PHIP: variants seen among roughly 807,000 people sequenced by gnomAD.
PHIP encodes the protein PH-interacting protein.
A neutral mutation model predicts 236.8 loss-of-function variants in PHIP; 54 were observed. The ratio of observed to expected loss-of-function variants is 0.23; its 90% confidence interval spans 0.18 to 0.29. The LOEUF (loss-of-function observed/expected upper bound fraction) is 0.29. PHIP is among the 10% of genes least tolerant of loss of function. PHIP has a pLI of 1.00. For missense variants in PHIP, 1,370 were observed against 2,190.8 expected (o/e 0.63, Z 7.48); for synonymous variants, 756 against 718.9 (o/e 1.05, Z -0.83).
chr6:79,036,131 A>G (rs1284532600), intron 7 of PHIP, among the ~76,000 whole-genome samples: 3 of 152,182 alleles, frequency 2.0e-5, no homozygotes, highest in Non-Finnish European at 4.4e-5. Context: ...TCTCTATTCA[A>G]TACTCTTCTA....
intron 17 of PHIP, 38 bp downstream of exon 17, chr6:79,001,858 GGAA>G (rs766288522): frequency 1.1e-5 from 15 of 1,324,066 alleles, no homozygotes; most frequent in Non-Finnish European, 1.5e-5. Flanking sequence ...CAGTTCGGTG[GGAA>G]GAAGAAAATT....
At chr6:78,983,657 G>C (rs559847792) in intron 22 of PHIP, among the ~76,000 whole-genome samples, 1 of 152,216 alleles carries the variant, frequency 6.6e-6, no homozygotes, top group South Asian at 2.1e-4. Flanking sequence ...CTACCCAGGG[G>C]AAAGACTGTG....
At chr6:79,058,402 C>T (rs1020304086) in intron 6 of PHIP, among the ~76,000 whole-genome samples, 2 of 152,074 alleles carry the variant, frequency 1.3e-5, no homozygotes, top group South Asian at 2.1e-4. Context: ...CCATCAACGA[C>T]GTGGCCTAAA....
chr6:79,074,835 A>C (rs891795683), intron 4 of PHIP, among the ~76,000 whole-genome samples: 25 of 152,140 alleles, frequency 1.6e-4, no homozygotes, highest in Non-Finnish European at 2.4e-4. Context: ...TAGACTAACT[A>C]CAGATGATCA....
intron 15 of PHIP, among the ~76,000 whole-genome samples, chr6:79,014,693 A>C (rs897286819): frequency 4.6e-5 from 7 of 151,832 alleles, no homozygotes; most frequent in South Asian, 4.1e-4. Flanking sequence ...AAATCAGTGT[A>C]CTTGAGTAAA....
intron 10 of PHIP, among the ~76,000 whole-genome samples, chr6:79,018,077 G>C (rs1198492344): frequency 6.6e-6 from 1 of 151,818 alleles, no homozygotes; most frequent in Non-Finnish European, 1.5e-5. Context: ...TTGCATTACA[G>C]TTATTTGTAT....
chr6:79,036,538 A>G (rs996680713), intron 7 of PHIP, among the ~76,000 whole-genome samples: 4 of 152,182 alleles, frequency 2.6e-5, no homozygotes, highest in Non-Finnish European at 5.9e-5. Context: ...TGTTTCCCAT[A>G]TCTCCATTAC....
In PHIP at chr6:78,943,962, G is replaced by A. The variant is rs186264764; in HGVS notation, c.4828+1338C>T. 2.4e-3 allele frequency among the ~76,000 whole-genome samples: 345 copies of A among 144,870 alleles called. 1 individual carries two copies. Among genetic ancestry groups the A allele is most frequent in the African/African-American group, 8.5e-3 (327 of 38,564 alleles). ...AATCAGGCCATTGCACTTCAGCCTC[G>A]GTGACAGAGCAAGATCCTGTCTTTT... On this transcript the variant is annotated intron_variant, in intron 39 of 39. Coordinates refer to ENST00000275034, the MANE Select transcript of PHIP (RefSeq NM_017934.7).
intron 6 of PHIP, among the ~76,000 whole-genome samples, chr6:79,058,770 T>G (rs567652618): frequency 1.8e-4 from 28 of 152,236 alleles, no homozygotes; most frequent in African/African-American, 6.7e-4. Context: ...TCAATCATTC[T>G]TACACTTTCA....
rs1486252103 is a variant in PHIP at position 78,963,970 on chromosome 6, C to T, written c.3380-718G>A. Among the ~76,000 whole-genome samples, 9 of 152,242 alleles carry T rather than the reference C, an allele frequency of 5.9e-5. No individual in the cohort carries two copies. The East Asian group carries it at 1.7e-3, about 29-fold the overall frequency. On this transcript the variant is annotated intron_variant, in intron 29 of 39. Coordinates refer to ENST00000275034, the MANE Select transcript of PHIP (RefSeq NM_017934.7). ...ATCCAAATAGAACAACAACAGTAAC[C>T]ACCCTTCAATATATTTAGGTAGGAA...
chr6:78,975,117 A>G (rs1485879855), intron 24 of PHIP, among the ~76,000 whole-genome samples: 3 of 151,870 alleles, frequency 2.0e-5, no homozygotes, highest in Admixed American at 2.0e-4. Flanking sequence ...TGATGCAAAA[A>G]TCCTCAATAA....
chr6:79,033,308 C>G (rs1346168247), intron 7 of PHIP, among the ~76,000 whole-genome samples: 1 of 152,150 alleles, frequency 6.6e-6, no homozygotes, highest in African/African-American at 2.4e-5. Context: ...AGCTTTGAAG[C>G]CAGGCATTGA....
At chr6:79,036,498 A>G (rs1437422809) in intron 7 of PHIP, among the ~76,000 whole-genome samples, 3 of 152,184 alleles carry the variant, frequency 2.0e-5, no homozygotes, top group African/African-American at 7.2e-5. Context: ...TTGAATTTCA[A>G]ACGTACAAAA....
chr6:79,049,210 G>T lies in PHIP; in HGVS notation c.440-6207C>A, dbSNP rs1582284025. Among the ~76,000 whole-genome samples the T allele has an allele frequency of 5.9e-5, 9 of 151,808 alleles. No homozygotes were observed. The South Asian group carries it at 1.9e-3, about 32-fold the overall frequency. ...CCTGAGTAGCTGGGATTACAGGTGT[G>T]CACCACCATGCCTAATTTTTCTTGT... On this transcript the variant is annotated intron_variant, in intron 6 of 39. Coordinates refer to ENST00000275034, the MANE Select transcript of PHIP (RefSeq NM_017934.7).
At chr6:79,018,934 T>C (rs1451115342) in intron 10 of PHIP, among the ~76,000 whole-genome samples, 155 bp downstream of exon 10, 3 of 152,026 alleles carry the variant, frequency 2.0e-5, no homozygotes, top group African/African-American at 7.2e-5. Flanking sequence ...TCTAAGTTAG[T>C]TTATAATAAT....
chr6:79,035,168 A>G (rs1771867997), intron 7 of PHIP, among the ~76,000 whole-genome samples: 1 of 152,032 alleles, frequency 6.6e-6, no homozygotes, highest in Admixed American at 6.6e-5. Flanking sequence ...CTTCCACCAA[A>G]CACCTACTAA....
At chr6:79,033,061 T>TC in intron 7 of PHIP, among the ~76,000 whole-genome samples, 1 of 152,074 alleles carries the variant, frequency 6.6e-6, no homozygotes, top group South Asian at 2.1e-4. Context: ...TTGAAAGGAA[T>TC]CTTTTTTTTT....
intron 24 of PHIP, among the ~76,000 whole-genome samples, chr6:78,974,271 T>G (rs544041635): frequency 6.6e-6 from 1 of 152,148 alleles, no homozygotes; most frequent in African/African-American, 2.4e-5. Context: ...TGCTCCTGAA[T>G]GACTACTGGG....
intron 7 of PHIP, among the ~76,000 whole-genome samples, chr6:79,041,736 G>A (rs924030639): frequency 6.6e-6 from 1 of 151,954 alleles, no homozygotes; most frequent in Admixed American, 6.6e-5. Context: ...TTTCCACTCT[G>A]AAAATAATAC....
Sources: gnomAD v4.1 joint callset for allele counts (sites outside exome capture counted in the v4.1 genomes callset) on GRCh38, gnomAD v4.1.1 for gene constraint, MANE v1.5 for transcripts, NCBI Gene and HGNC (gene_info 2026-07-23, HGNC 2026-07-21) for gene names.